LHPP: variants seen among roughly 807,000 people sequenced by gnomAD.
LHPP encodes hLHPP.
LHPP carries 24 observed loss-of-function variants against 30.3 expected under a neutral mutation model. The observed-to-expected ratio is 0.79, with a 90% CI of 0.57 to 1.11. The LOEUF (loss-of-function observed/expected upper bound fraction) is 1.11. Ranked by LOEUF, LHPP falls within the 50% of genes most tolerant of loss-of-function variation. LHPP has a pLI of 0.00. For synonymous variants in LHPP, 150 were observed against 157.1 expected, an observed-to-expected ratio of 0.95 and a Z score of 0.34; for missense variants, 356 against 367.2, an observed-to-expected ratio of 0.97 and a Z score of 0.25.
intron 6 of LHPP, among the ~76,000 whole-genome samples, chr10:124,524,658 A>T (rs1461222590): frequency 6.6e-6 from 1 of 152,080 alleles, no homozygotes; most frequent in African/African-American, 2.4e-5. Flanking sequence ...ACATAGCGAG[A>T]CCTCATTTCT....
intron 6 of LHPP, among the ~76,000 whole-genome samples, chr10:124,602,588 G>A (rs1949037669): frequency 7.0e-6 from 1 of 143,398 alleles, no homozygotes; most frequent in African/African-American, 2.6e-5. Flanking sequence ...AGCCCTGGGG[G>A]ACTGGCTCAG....
At chr10:124,574,502 C>T (rs1948632403) in intron 6 of LHPP, among the ~76,000 whole-genome samples, 1 of 152,316 alleles carries the variant, frequency 6.6e-6, no homozygotes, top group South Asian at 2.1e-4. Context: ...AAGCTGTGGG[C>T]ACCGGGGGCT....
intron 6 of LHPP, among the ~76,000 whole-genome samples, chr10:124,520,007 G>A (rs1203242285): frequency 6.6e-6 from 1 of 151,658 alleles, no homozygotes; most frequent in Non-Finnish European, 1.5e-5. Flanking sequence ...TAATTTTTTG[G>A]TATTTTTAGT....
At chr10:124,505,132 A>G (rs2133887504) in intron 5 of LHPP, among the ~76,000 whole-genome samples, 1 of 152,176 alleles carries the variant, frequency 6.6e-6, no homozygotes, top group African/African-American at 2.4e-5. Flanking sequence ...GTGGAGTAGC[A>G]GCTGCATGTT....
At chr10:124,584,541 G>A (rs1354621593) in intron 6 of LHPP, among the ~76,000 whole-genome samples, 1 of 152,026 alleles carries the variant, frequency 6.6e-6, no homozygotes, top group African/African-American at 2.4e-5. Flanking sequence ...AAACAGGGAC[G>A]AACAGTGTTC....
chr10:124,562,098 G>A (rs1274936047), intron 6 of LHPP, among the ~76,000 whole-genome samples: 1 of 152,140 alleles, frequency 6.6e-6, no homozygotes, highest in African/African-American at 2.4e-5. Context: ...CTTGAGCCCA[G>A]GAGTTTGAGA....
chr10:124,523,216 C>G lies in LHPP; in HGVS notation c.716+5945C>G, dbSNP rs1954652265. Among the ~76,000 whole-genome samples the G allele has an allele frequency of 6.6e-6, 1 of 152,260 alleles. No individual in the cohort carries two copies. Among genetic ancestry groups the G allele is most frequent in the Non-Finnish European group, 1.5e-5 (1 of 68,054 alleles). ...GAACGTTCTTGACAAACAGTTTGCC[C>G]TTCGGAGAGGGAAAGTTTCCTGGAC... On this transcript the variant is annotated intron_variant, in intron 6 of 6. Transcript: ENST00000368842. This position sits in a 1 kb window ranked among gnomAD's most constrained non-coding sequence, Gnocchi z 4.2.
chr10:124,511,784 C>T (rs562433115), intron 5 of LHPP, among the ~76,000 whole-genome samples: 6 of 152,276 alleles, frequency 3.9e-5, no homozygotes, highest in Non-Finnish European at 5.9e-5. Context: ...GTTTGGGAGA[C>T]GGTTCCCAGG....
At chr10:124,473,586 C>G (rs1472834182) in intron 1 of LHPP, among the ~76,000 whole-genome samples, 1 of 152,156 alleles carries the variant, frequency 6.6e-6, no homozygotes, top group Non-Finnish European at 1.5e-5. Flanking sequence ...ATGGCTGCAG[C>G]TCAAGGGCCC....
chr10:124,535,222 T>C (rs750867095), intron 6 of LHPP, among the ~76,000 whole-genome samples: 1 of 152,178 alleles, frequency 6.6e-6, no homozygotes, highest in Non-Finnish European at 1.5e-5. Context: ...GACGCCTGTA[T>C]GAGAGAGAAC....
At chr10:124,587,738 TAAAAAAAAAAAAAAAAA>T (rs747954796) in intron 6 of LHPP, among the ~76,000 whole-genome samples, 2 of 53,004 alleles carry the variant, frequency 3.8e-5, no homozygotes, top group African/African-American at 1.3e-4. Flanking sequence ...AGACTCCATC[TAAAAAAAAAAAAAAAAA>T]AAAAAAAAAA....
chr10:124,544,691 T>C (rs1012165498), intron 6 of LHPP, among the ~76,000 whole-genome samples: 1 of 152,206 alleles, frequency 6.6e-6, no homozygotes, highest in Non-Finnish European at 1.5e-5. Flanking sequence ...CTCGGCTCTG[T>C]GGCCGGCTGA....
At position 124,587,409 on chromosome 10, in the gene LHPP, C is replaced by G. The variant is rs141498814; in HGVS notation, c.717-25855C>G. Among the ~76,000 whole-genome samples, 11 of 152,004 alleles carry G rather than the reference C, an allele frequency of 7.2e-5. No homozygotes were observed. In the East Asian group the frequency reaches 2.1e-3, roughly 30 times the overall value. ...GAAGCCATGTCCCCTCCACTTCTAC[C>G]TTCATGGTCTTTGCTTGTTTATTTT... On this transcript the variant is annotated intron_variant, in intron 6 of 6. Coordinates refer to ENST00000368842, the MANE Select transcript of LHPP (RefSeq NM_022126.4).
intron 6 of LHPP, among the ~76,000 whole-genome samples, chr10:124,550,206 G>A (rs753582901): frequency 3.0e-4 from 45 of 152,242 alleles, no homozygotes; most frequent in Non-Finnish European, 4.7e-4. Context: ...GTAAGCTGCC[G>A]GCACAGTCAT....
At chr10:124,563,509 C>CG (rs1948437740) in intron 6 of LHPP, among the ~76,000 whole-genome samples, 1 of 151,482 alleles carries the variant, frequency 6.6e-6, no homozygotes, top group South Asian at 2.1e-4. Context: ...TGGGGTGGGG[C>CG]GGGGCAGGAG....
At chr10:124,529,819 A>ACG (rs1329541040) in intron 6 of LHPP, among the ~76,000 whole-genome samples, 4 of 151,436 alleles carry the variant, frequency 2.6e-5, no homozygotes, top group Non-Finnish European at 4.4e-5. Context: ...ACACGCACAC[A>ACG]CACACACACA....
At chr10:124,471,030 T>C (rs577773285) in intron 1 of LHPP, among the ~76,000 whole-genome samples, 2 of 152,224 alleles carry the variant, frequency 1.3e-5, no homozygotes, top group East Asian at 1.9e-4. Flanking sequence ...GTGGCCTCCT[T>C]ATGTAAACAT....
At chr10:124,601,326 T>C (rs891547509) in intron 6 of LHPP, among the ~76,000 whole-genome samples, 4 of 152,204 alleles carry the variant, frequency 2.6e-5, no homozygotes, top group African/African-American at 4.8e-5. Context: ...GTGGGATCTT[T>C]CAGATTTTCT....
intron 6 of LHPP, among the ~76,000 whole-genome samples, chr10:124,610,383 AGGGTGCGGGTGAGGGTGCTGGTGGAGC>A (rs1949159231): frequency 6.9e-6 from 1 of 144,406 alleles, no homozygotes; most frequent in African/African-American, 2.8e-5. Context: ...GGAGCGGGTG[AGGGTGCGGGTGAGGGTGCTGGTGGAGC>A]GGGTGAGGGT....
Sources: allele counts gnomAD v4.1 joint callset (sites outside exome capture counted in the v4.1 genomes callset), GRCh38; gene constraint gnomAD v4.1.1; non-coding constraint Gnocchi (gnomAD v3.1); transcripts MANE v1.5; gene names NCBI Gene and HGNC (gene_info 2026-07-23, HGNC 2026-07-21).